The following ECT2 variants were observed in gnomAD, a reference collection of about 807,000 sequenced individuals.
The protein encoded by ECT2 is epithelial cell transforming 2.
A neutral mutation model predicts 116.9 loss-of-function variants in ECT2; 61 were observed. The ratio of observed to expected loss-of-function variants is 0.52; its 90% CI spans 0.42 to 0.65. The LOEUF is 0.65. Ranked by LOEUF, ECT2 falls within the 30% of genes least tolerant of loss-of-function variation. ECT2 has a pLI of 0.00. For missense variants in ECT2, 937 were observed against 1,078.7 expected, an observed-to-expected ratio of 0.87 and a Z score of 1.84; for synonymous variants, 358 against 346.4, an observed-to-expected ratio of 1.03 and a Z score of -0.37.
chr3:172,762,345 T>A, intron 8 of ECT2, 71 bp from the exon 9 acceptor site: 1 of 1,447,718 alleles, frequency 6.9e-7, no homozygotes, highest in Non-Finnish European at 9.4e-7. Flanking sequence ...TTACTGTAGG[T>A]TTGTAAATTG....
At chr3:172,754,250 GTGTT>G (rs911210860) in intron 1 of ECT2, among the ~76,000 whole-genome samples, 2 of 152,080 alleles carry the variant, frequency 1.3e-5, no homozygotes, top group African/African-American at 4.8e-5. Context: ...CTACAGTTGA[GTGTT>G]TGTTGTATGT....
chr3:172,795,184 A>C (rs1044665770), intron 18 of ECT2, among the ~76,000 whole-genome samples: 1 of 151,850 alleles, frequency 6.6e-6, no homozygotes, highest in Non-Finnish European at 1.5e-5. Flanking sequence ...TTAGCCAGGC[A>C]TGGTGGTGTG....
chr3:172,824,886 CAAACAAAA>C (rs199651914), downstream of ECT2, among the ~76,000 whole-genome samples: 864 of 112,060 alleles, frequency 7.7e-3, 23 homozygotes, highest in East Asian at 0.069. Flanking sequence ...ATTTGCAAAA[CAAACAAAA>C]AAACTACATG....
chr3:172,807,724 T>A, intron 21 of ECT2, 46 bp from the exon 22 acceptor site: 1 of 1,556,274 alleles, frequency 6.4e-7, no homozygotes, highest in South Asian at 1.2e-5. Context: ...ATCTGTCATT[T>A]TCCAAGGAGT....
chr3:172,813,162 G>A (rs547480583), intron 22 of ECT2, among the ~76,000 whole-genome samples: 16 of 152,152 alleles, frequency 1.1e-4, no homozygotes, highest in South Asian at 2.1e-4. Context: ...AAATATAAAT[G>A]CATAAGTATC....
the ECT2 span, among the ~76,000 whole-genome samples, chr3:172,827,427 A>C: frequency 6.6e-6 from 1 of 152,252 alleles, no homozygotes; most frequent in East Asian, 1.9e-4. Context: ...GTATATATAC[A>C]CAATGGAGTA....
At chr3:172,794,695 T>C (rs1725295595) in intron 18 of ECT2, among the ~76,000 whole-genome samples, 1 of 152,166 alleles carries the variant, frequency 6.6e-6, no homozygotes, top group Admixed American at 6.5e-5. Context: ...ACATCAATTT[T>C]AGGAGTATTA....
intron 14 of ECT2, among the ~76,000 whole-genome samples, 192 bp from the exon 15 acceptor site, chr3:172,781,971 T>C (rs1235406820): frequency 6.6e-6 from 1 of 152,224 alleles, no homozygotes; most frequent in East Asian, 1.9e-4. Context: ...AAAAATGTTT[T>C]TCAAAGGATG....
intron 18 of ECT2, among the ~76,000 whole-genome samples, chr3:172,794,316 A>G (rs1725224292): frequency 6.6e-6 from 1 of 152,184 alleles, no homozygotes; most frequent in Admixed American, 6.5e-5. Context: ...CATTTTTTAA[A>G]ATATGGAAAT....
At chr3:172,807,169 G>A (rs1008319974) in intron 21 of ECT2, among the ~76,000 whole-genome samples, 28 of 152,258 alleles carry the variant, frequency 1.8e-4, no homozygotes, top group African/African-American at 6.3e-4. Flanking sequence ...TGTACTGTAA[G>A]TCATTTCTAG....
chr3:172,780,454 A>G (rs947020083), intron 14 of ECT2, among the ~76,000 whole-genome samples: 2 of 152,190 alleles, frequency 1.3e-5, no homozygotes, highest in African/African-American at 4.8e-5. Flanking sequence ...TCTCTTGAGT[A>G]GATACCTAGG....
intron 5 of ECT2, among the ~76,000 whole-genome samples, chr3:172,757,480 A>C (rs569481483): frequency 9.0e-4 from 130 of 144,002 alleles, no homozygotes; most frequent in African/African-American, 3.3e-3. Flanking sequence ...CAGTGGCACG[A>C]TCTCAGCTCA....
chr3:172,815,820 C>T (rs1729596965), intron 23 of ECT2, 109 bp downstream of exon 23: 1 of 734,904 alleles, frequency 1.4e-6, no homozygotes. Context: ...TAAAACAAAG[C>T]TGTTCTTCGG....
downstream of ECT2, among the ~76,000 whole-genome samples, chr3:172,824,497 A>G (rs1243523009): frequency 2.0e-5 from 3 of 152,172 alleles, no homozygotes; most frequent in Admixed American, 1.3e-4. Context: ...GAAACTCACC[A>G]TGATCCAATT....
Position 172,783,919 on chromosome 3 carries a change from GTTTC to G in ECT2, c.1728+15_1728+18del, listed in dbSNP as rs749051525. On this transcript the variant is annotated intron_variant, in intron 16 of 24. Coordinates refer to ENST00000392692, the MANE Select transcript of ECT2 (RefSeq NM_001258315.2). ...TCATGCTTTTCTCAAGGTAATGTGT[GTTTC>G]TTTCAAATAAAAATTTGAGAATTAT... is the stretch of plus-strand genomic sequence containing the variant. The G allele has an allele frequency of 6.7e-7, 1 of 1,491,664 alleles. No individual in the cohort carries two copies. The highest frequency in any genetic ancestry group is 9.1e-7 in the Non-Finnish European group (1 of 1,096,390). The allele number at this position is 1,491,664 out of a possible 1,614,324, so 92.4% of individuals were successfully genotyped here.
intron 20 of ECT2, 78 bp from the exon 21 acceptor site, chr3:172,805,653 A>G: frequency 7.6e-7 from 1 of 1,324,402 alleles, no homozygotes; most frequent in Non-Finnish European, 1.1e-6. Flanking sequence ...TTATGTGATT[A>G]GTGCTATTTT....
At chr3:172,767,710 A>G (rs1719766197) in intron 12 of ECT2, among the ~76,000 whole-genome samples, 1 of 150,384 alleles carries the variant, frequency 6.6e-6, no homozygotes, top group Non-Finnish European at 1.5e-5. Flanking sequence ...ATATATCTAT[A>G]GATATGTGTA....
intron 18 of ECT2, among the ~76,000 whole-genome samples, chr3:172,794,622 A>AAACAACAAC (rs201874137): frequency 1.3e-5 from 2 of 151,766 alleles, no homozygotes; most frequent in East Asian, 1.9e-4. Flanking sequence ...GTCAGTTTCC[A>AAACAACAAC]AACAACAACA....
At chr3:172,797,800 A>C (rs1377615048) in intron 18 of ECT2, among the ~76,000 whole-genome samples, 1 of 152,156 alleles carries the variant, frequency 6.6e-6, no homozygotes, top group Non-Finnish European at 1.5e-5. Context: ...TTAAAATAAA[A>C]CCCATATGCA....
Sources: gnomAD v4.1 joint callset for allele counts (sites outside exome capture counted in the v4.1 genomes callset) on GRCh38, gnomAD v4.1.1 for gene constraint, MANE v1.5 for transcripts, NCBI Gene and HGNC (gene_info 2026-07-23, HGNC 2026-07-21) for gene names.